Variants in SNX29 observed in about 807,000 individuals in gnomAD.
SNX29 encodes sorting nexin-29.
A neutral mutation model predicts 102.1 loss-of-function variants in SNX29; 78 were observed. That is an observed-to-expected ratio of 0.76 (90% confidence interval 0.64 to 0.92). The LOEUF is 0.92. Ranked by LOEUF, SNX29 falls within the 40% of genes least tolerant of loss-of-function variation. The pLI, the probability that SNX29 is intolerant of heterozygous loss-of-function variation, is 0.00. For synonymous variants in SNX29, 580 were observed against 414.5 expected (o/e 1.40, Z -4.85); for missense variants, 1,280 against 1,061.7 (o/e 1.21, Z -2.86).
intron 18 of SNX29, among the ~76,000 whole-genome samples, chr16:12,451,816 A>G (rs1344246107): frequency 6.6e-6 from 1 of 152,226 alleles, no homozygotes; most frequent in Non-Finnish European, 1.5e-5. Flanking sequence ...GTGAGCCCAG[A>G]TCGCGCCACT....
intron 13 of SNX29, among the ~76,000 whole-genome samples, chr16:12,145,812 T>G (rs2055044069): frequency 1.3e-5 from 2 of 152,268 alleles, no homozygotes; most frequent in Admixed American, 1.3e-4. Context: ...TGTTTGGATA[T>G]GTCCTTGTTT....
chr16:12,510,183 T>C (rs909985019), intron 19 of SNX29, among the ~76,000 whole-genome samples: 24 of 152,206 alleles, frequency 1.6e-4, no homozygotes, highest in Non-Finnish European at 8.8e-5. Context: ...GGAGAGATCC[T>C]CTAGGTGGAA....
chr16:12,267,240 G>A (rs370782308), intron 14 of SNX29, among the ~76,000 whole-genome samples: 20 of 116,446 alleles, frequency 1.7e-4, no homozygotes, highest in African/African-American at 7.8e-4. Flanking sequence ...GTTAGCATGG[G>A]TGCGAGTGTG....
intron 15 of SNX29, among the ~76,000 whole-genome samples, chr16:12,290,817 T>G (rs968221860): frequency 6.6e-6 from 1 of 152,170 alleles, no homozygotes; most frequent in African/African-American, 2.4e-5. Flanking sequence ...ATGAGTTTTC[T>G]TGGTTCTTGC....
intron 13 of SNX29, among the ~76,000 whole-genome samples, chr16:12,193,228 C>T (rs1038823610): frequency 1.3e-5 from 2 of 152,158 alleles, no homozygotes; most frequent in African/African-American, 2.4e-5. Context: ...CCATTACTTA[C>T]ATTCCACTAC....
intron 18 of SNX29, among the ~76,000 whole-genome samples, chr16:12,474,802 A>G (rs1469145026): frequency 2.6e-5 from 4 of 152,094 alleles, no homozygotes; most frequent in South Asian, 4.1e-4. Context: ...CTTGTGATGT[A>G]TTATAGTTGC....
At chr16:12,009,472 T>TGTGC (rs1243264379) in intron 3 of SNX29, among the ~76,000 whole-genome samples, 1 of 139,132 alleles carries the variant, frequency 7.2e-6, no homozygotes, top group African/African-American at 2.5e-5. Context: ...TGTGTGTGTG[T>TGTGC]GTGTGTGTAT....
intron 20 of SNX29, among the ~76,000 whole-genome samples, chr16:12,529,129 G>A (rs995370183): frequency 1.3e-5 from 2 of 152,158 alleles, no homozygotes; most frequent in African/African-American, 4.8e-5. Flanking sequence ...TGTGCCTCCC[G>A]TTGCCTCCCT....
intron 14 of SNX29, among the ~76,000 whole-genome samples, chr16:12,271,443 C>T (rs898927826): frequency 3.3e-5 from 5 of 152,198 alleles, no homozygotes; most frequent in African/African-American, 1.2e-4. Context: ...AACTTAATCT[C>T]AGTGGTGAAA....
intron 11 of SNX29, among the ~76,000 whole-genome samples, chr16:12,092,425 A>C (rs919998823): frequency 6.6e-6 from 1 of 152,188 alleles, no homozygotes; most frequent in Admixed American, 6.5e-5. Context: ...TATAATCACC[A>C]TTGTGTCTCT....
intron 18 of SNX29, among the ~76,000 whole-genome samples, chr16:12,449,399 T>A (rs1035965438): frequency 2.6e-5 from 4 of 151,996 alleles, no homozygotes; most frequent in African/African-American, 9.7e-5. Context: ...GGCATATGTG[T>A]GAGCTTGGAG....
rs1398618881 is a variant in SNX29, at chr16:12,573,943, G to C, written c.*5314G>C. 5 of 200,026 alleles carry C rather than the reference G, an allele frequency of 2.5e-5. No individual in the cohort carries two copies. The highest frequency in any genetic ancestry group is 5.2e-5 in the Non-Finnish European group (5 of 96,886). 12.4% of individuals were successfully genotyped at this position (200,026 alleles called of 1,614,324 possible). ...CTTCTTAGAGAAGCGAGTCTTTTTT[G>C]AATGGAGGAGCGATGGTAACCCCAC... On this transcript the variant is annotated 3_prime_UTR_variant, in exon 21 of 21. Transcript: ENST00000566228.
At chr16:12,087,792 G>C in intron 11 of SNX29, 1 of 452,404 alleles carries the variant, frequency 2.2e-6, no homozygotes, top group South Asian at 1.6e-5. Context: ...AACTTCTGGG[G>C]CTGCAGCTTC....
intron 14 of SNX29, among the ~76,000 whole-genome samples, chr16:12,262,512 G>C (rs775427113): frequency 6.6e-6 from 1 of 152,182 alleles, no homozygotes; most frequent in African/African-American, 2.4e-5. Context: ...GGAATAGATC[G>C]TTGGTTCGAT....
intron 15 of SNX29, among the ~76,000 whole-genome samples, chr16:12,302,452 C>G (rs1167018099): frequency 6.6e-6 from 1 of 152,182 alleles, no homozygotes; most frequent in African/African-American, 2.4e-5. Context: ...AAATGTATTT[C>G]TCACAGTTCT....
intron 16 of SNX29, chr16:12,373,571 C>G (rs898135804): frequency 3.9e-5 from 6 of 152,182 alleles, no homozygotes; most frequent in South Asian, 2.1e-4. Flanking sequence ...AAATAGCACT[C>G]TCCTGCTTTA....
At chr16:12,023,922 T>C (rs1184270931) in intron 3 of SNX29, among the ~76,000 whole-genome samples, 1 of 152,200 alleles carries the variant, frequency 6.6e-6, no homozygotes, top group Non-Finnish European at 1.5e-5. Flanking sequence ...AGGTTCATGA[T>C]CTTGAGTTCC....
At chr16:12,087,116 C>G (rs1177468041) in intron 11 of SNX29, 1 of 152,150 alleles carries the variant, frequency 6.6e-6, no homozygotes, top group African/African-American at 2.4e-5. Flanking sequence ...ATTACGGGGC[C>G]GGGCATGGTG....
chr16:12,007,094 C>T (rs1156806385), intron 3 of SNX29, among the ~76,000 whole-genome samples: 2 of 152,172 alleles, frequency 1.3e-5, no homozygotes, highest in African/African-American at 4.8e-5. Context: ...TCTCCTCTAC[C>T]TCAGTGGGAT....
Sources: allele counts gnomAD v4.1 joint callset (sites outside exome capture counted in the v4.1 genomes callset), GRCh38; gene constraint gnomAD v4.1.1; transcripts MANE v1.5; gene names NCBI Gene and HGNC (gene_info 2026-07-23, HGNC 2026-07-21).